The following GPR155 variants were observed in gnomAD, a reference collection of about 807,000 sequenced individuals.
GPR155 encodes G protein-coupled receptor 155, also known as lysosomal cholesterol signaling protein.
Under a neutral mutation model 93.1 loss-of-function variants are expected in GPR155, and 65 were observed. The ratio of observed to expected loss-of-function variants is 0.70; its 90% CI spans 0.57 to 0.86. GPR155 has a LOEUF of 0.86. Among genes scored for constraint, GPR155 ranks in the 40% least tolerant of loss-of-function variants. GPR155 has a pLI of 0.00. For synonymous variants in GPR155, 319 were observed against 360.1 expected, an observed-to-expected ratio of 0.89 and a Z score of 1.29; for missense variants, 838 against 1,034.8, an observed-to-expected ratio of 0.81 and a Z score of 2.61.
In GPR155 at chr2:174,436,308, G is replaced by A; in HGVS notation, c.2421C>T (p.Asp807=). 3.7e-6 allele frequency: 6 copies of A among 1,614,104 alleles called. No homozygotes were observed. The highest frequency in any genetic ancestry group is 5.1e-6 in the Non-Finnish European group (6 of 1,179,974). The change falls in exon 16 of 16, where the codon GAC becomes GAT. Residue 807 remains aspartate, a synonymous_variant. Transcript: ENST00000392552. ...SDRGEAVIYG[D]RLVQGGVIQH... ...GGATGACTCCCCCTTGTACCAGCCT[G>A]TCTCCGTATATCACAGCTTCACCAC...
At chr2:174,450,133 T>C (rs1687273125) in intron 11 of GPR155, among the ~76,000 whole-genome samples, 1 of 127,790 alleles carries the variant, frequency 7.8e-6, no homozygotes, top group African/African-American at 2.7e-5. Flanking sequence ...GATCCTGTCT[T>C]GAAAAAAAAA....
chr2:174,465,876 T>G lies in GPR155; in HGVS notation c.1293A>C (p.Ile431=). ...AQSIVCAGMM[I]WNFVKEKNFV... ...AATTTTTTTCTTTAACAAAATTCCATATCATCATTCCAGCACAGACAATAG... is the reference window on the plus strand; with the variant it reads ...AATTTTTTTCTTTAACAAAATTCCAGATCATCATTCCAGCACAGACAATAG... The change falls in exon 7 of 16, where the codon ATA becomes ATC. Residue 431 remains isoleucine, a synonymous_variant. Transcript: ENST00000392552. 1 of 1,588,400 alleles carries G rather than the reference T, an allele frequency of 6.3e-7. No individual in the cohort carries two copies. Among genetic ancestry groups the G allele is most frequent in the Non-Finnish European group, 8.6e-7 (1 of 1,157,892 alleles).
intron 2 of GPR155, among the ~76,000 whole-genome samples, chr2:174,480,306 TA>T (rs1688282708): frequency 6.6e-6 from 1 of 152,168 alleles, no homozygotes; most frequent in Non-Finnish European, 1.5e-5. Flanking sequence ...ATTCTCCCAT[TA>T]CAATGTAAAT....
In GPR155 at chr2:174,435,732, C is replaced by T; in HGVS notation, c.*384G>A. ...CAGGTGATCCACCTGACTCGGCCTC[C>T]CAAAGTACTGGGATTACAGGCGTGA... On this transcript the variant is annotated 3_prime_UTR_variant, in exon 16 of 16. Transcript: ENST00000392552. The T allele has an allele frequency of 1.3e-5, 2 of 159,882 alleles. 1 individual carries two copies. The highest frequency in any genetic ancestry group is 3.6e-4 in the South Asian group (2 of 5,496). 9.9% of individuals were successfully genotyped at this position (159,882 alleles called of 1,614,324 possible).
intron 2 of GPR155, among the ~76,000 whole-genome samples, chr2:174,477,349 A>G (rs976417579): frequency 1.3e-5 from 2 of 152,166 alleles, no homozygotes; most frequent in African/African-American, 2.4e-5. Context: ...TTTCAAGAAT[A>G]TGTTGTTATT....
intron 10 of GPR155, among the ~76,000 whole-genome samples, chr2:174,458,983 G>T (rs1488366818): frequency 6.6e-6 from 1 of 152,112 alleles, no homozygotes; most frequent in Non-Finnish European, 1.5e-5. Flanking sequence ...AGCTACTGGG[G>T]AGGCTGAGAC....
chr2:174,470,138 T>TA (rs1687949667), intron 4 of GPR155, among the ~76,000 whole-genome samples: 1 of 151,808 alleles, frequency 6.6e-6, no homozygotes, highest in South Asian at 2.1e-4. Context: ...CTGGACCTCA[T>TA]AAAAAACAAC....
At chr2:174,482,524 AGAGCAC>A (rs1340306371) in intron 1 of GPR155, among the ~76,000 whole-genome samples, 1 of 152,244 alleles carries the variant, frequency 6.6e-6, no homozygotes, top group East Asian at 1.9e-4. Context: ...AGGGTATAGT[AGAGCAC>A]TACTAATCAA....
rs1688322867 is a variant in GPR155, at chr2:174,481,620, C to T, written c.337G>A (p.Val113Ile). 3 of 1,613,466 alleles carry T rather than the reference C, an allele frequency of 1.9e-6. No homozygotes were observed. In the African/African-American group the frequency reaches 4.0e-5, roughly 22 times the overall value. Residue 113 changes from valine to isoleucine, a missense_variant, in exon 2 of 16, where the codon GTA becomes ATA. Physicochemically the swap from Val to Ile is conservative, Grantham distance 29. Around this residue, in one of 3 missense-constraint regions of GPR155, gnomAD observed 663 missense variants for 790.1 expected, o/e 0.84. Coordinates refer to ENST00000392552, the MANE Select transcript of GPR155 (RefSeq NM_152529.7). ...GTTAATACACATACAATGAAAAATA[C>T]AGAAGCTTTGGCAATTAAGATACTA... ...LYSILIAKAS[V>I]FFIVCVLTLL... is the part of the protein sequence containing the mutation.
chr2:174,471,369 T>C (rs1411767829), intron 3 of GPR155, among the ~76,000 whole-genome samples: 1 of 130,550 alleles, frequency 7.7e-6, no homozygotes, highest in Non-Finnish European at 1.5e-5. Flanking sequence ...TACTCCAGCC[T>C]GGGTGACACA....
intron 2 of GPR155, 122 bp from the exon 3 acceptor site, chr2:174,473,486 T>A: frequency 1.6e-6 from 1 of 636,132 alleles, no homozygotes; most frequent in East Asian, 3.0e-5. Context: ...ATGACCCAAA[T>A]AGCCTATTTT....
intron 7 of GPR155, among the ~76,000 whole-genome samples, chr2:174,462,149 G>C (rs929781386): frequency 6.6e-6 from 1 of 152,004 alleles, no homozygotes; most frequent in African/African-American, 2.4e-5. Context: ...TGTTGCCCTA[G>C]CTGGTCTTGA....
chr2:174,469,029 A>C lies in GPR155; in HGVS notation c.1065T>G (p.Ala355=), dbSNP rs763236756. Residue 355 remains alanine, a synonymous_variant, in exon 5 of 16, where the codon GCT becomes GCG. Transcript: ENST00000392552. ...SGMVISTFVS[A]PIMYVSAWLL... ...ACCAGGCAGAAACGTACATGATGGG[A>C]GCAGACACAAATGTGCTTATCACCA... 1 of 1,614,096 alleles carries C rather than the reference A, an allele frequency of 6.2e-7. No homozygotes were observed. The highest frequency in any genetic ancestry group is 8.5e-7 in the Non-Finnish European group (1 of 1,179,952).
At chr2:174,461,342 C>G in intron 9 of GPR155, 60 bp downstream of exon 9, 1 of 963,656 alleles carries the variant, frequency 1.0e-6, no homozygotes, top group Non-Finnish European at 1.7e-6. Flanking sequence ...TCTAGCAAGG[C>G]ACATAACGAG....
chr2:174,471,892 G>A (rs534119683), intron 3 of GPR155, among the ~76,000 whole-genome samples: 44 of 151,990 alleles, frequency 2.9e-4, no homozygotes, highest in Non-Finnish European at 5.1e-4. Flanking sequence ...GCATAACATC[G>A]CCATAAATAA....
At chr2:174,460,157 T>A in intron 9 of GPR155, 69 bp from the exon 10 acceptor site, 3 of 497,484 alleles carry the variant, frequency 6.0e-6, no homozygotes, top group Non-Finnish European at 8.9e-6. Context: ...AGGGCACATT[T>A]TTTTTTTTTT....
In GPR155 at chr2:174,431,911, AG is replaced by A. The variant is rs1686654012; in HGVS notation, c.*4204del. ...AAATATTGAAAGCTAAGCACAAGCT[AG>A]GCATGGAGTTACTCATTGAGAGTTA... On this transcript the variant is annotated 3_prime_UTR_variant, in exon 16 of 16. Coordinates refer to ENST00000392552, the MANE Select transcript of GPR155 (RefSeq NM_152529.7). 1 of 152,240 alleles carries A rather than the reference AG, an allele frequency of 6.6e-6. No individual in the cohort carries two copies. Among genetic ancestry groups the A allele is most frequent in the South Asian group, 2.1e-4 (1 of 4,838 alleles). 9.4% of individuals were successfully genotyped at this position (152,240 alleles called of 1,614,324 possible). A position where few individuals can be genotyped will look rare whatever the true frequency, so the allele number is the denominator to read the frequency against.
chr2:174,445,663 G>A (rs188001205), intron 12 of GPR155, among the ~76,000 whole-genome samples: 230 of 152,138 alleles, frequency 1.5e-3, no homozygotes, highest in Middle Eastern at 3.4e-3. Context: ...TCCTACCTCT[G>A]GACGAGTTAC....
chr2:174,468,683 G>T (rs1687907182), intron 5 of GPR155, among the ~76,000 whole-genome samples: 1 of 152,170 alleles, frequency 6.6e-6, no homozygotes, highest in Middle Eastern at 3.2e-3. Context: ...AGAGGGCCAG[G>T]AATAAAATCC....
Sources: allele counts gnomAD v4.1 joint callset (sites outside exome capture counted in the v4.1 genomes callset), GRCh38; gene constraint gnomAD v4.1.1; regional missense constraint gnomAD v4.1.1; transcripts MANE v1.5; gene names NCBI Gene and HGNC (gene_info 2026-07-23, HGNC 2026-07-21).